The following EPHA6 variants were observed in gnomAD, a reference collection of about 807,000 sequenced individuals.
EPHA6 encodes the protein EPH receptor A6.
In EPHA6, 50 loss-of-function variants were observed where a neutral mutation model predicts 112.0. The observed-to-expected ratio is 0.45, with a 90% CI of 0.36 to 0.56. The LOEUF (loss-of-function observed/expected upper bound fraction) is 0.56, where lower values mean the gene tolerates loss of function less well. Ranked by LOEUF, EPHA6 falls within the 20% of genes least tolerant of loss-of-function variation. The pLI, the probability that EPHA6 is intolerant of heterozygous loss-of-function variation, is 0.00. For synonymous variants in EPHA6, 529 were observed against 490.7 expected (o/e 1.08, Z -1.03); for missense variants, 1,280 against 1,417.4 (o/e 0.90, Z 1.56).
chr3:97,558,009 G>A (rs1479233339), intron 11 of EPHA6, among the ~76,000 whole-genome samples: 3 of 151,842 alleles, frequency 2.0e-5, no homozygotes, highest in African/African-American at 7.3e-5. Context: ...ACTTTTCTTT[G>A]TAGACACAAG....
In EPHA6 at chr3:96,987,327, C is replaced by T. The variant is rs776029999; in HGVS notation, c.451-3C>T. ...ACTTAATTACTTTTTTCCCTTTTTG[C>T]AGTGGGATGCCATCACTGAAATGGA... On this transcript the variant is annotated splice_polypyrimidine_tract_variant and splice_region_variant and intron_variant, in intron 2 of 17. Transcript: ENST00000389672. 5.1e-6 allele frequency: 8 copies of T among 1,568,488 alleles called. No homozygotes were observed. The highest frequency in any genetic ancestry group is 6.9e-6 in the Non-Finnish European group (8 of 1,153,598).
At chr3:96,903,098 G>T (rs1015405423) in intron 2 of EPHA6, among the ~76,000 whole-genome samples, 3 of 152,162 alleles carry the variant, frequency 2.0e-5, no homozygotes, top group African/African-American at 7.2e-5. Context: ...AGTTGAGGGA[G>T]TCTACCTGAT....
chr3:97,550,902 A>AAGAAAGGAAAGAAATG (rs2093020893), intron 11 of EPHA6, among the ~76,000 whole-genome samples: 1 of 152,138 alleles, frequency 6.6e-6, no homozygotes, highest in African/African-American at 2.4e-5. Flanking sequence ...AAAGAGTGAA[A>AAGAAAGGAAAGAAATG]AGAAAGGAAA....
chr3:97,499,145 TC>T (rs2092055842), intron 10 of EPHA6, among the ~76,000 whole-genome samples: 1 of 152,212 alleles, frequency 6.6e-6, no homozygotes, highest in Non-Finnish European at 1.5e-5. Context: ...TTCTCTTTAC[TC>T]CCCATCCAAC....
At chr3:97,481,188 C>G in intron 9 of EPHA6, 1 of 1,043,844 alleles carries the variant, frequency 9.6e-7, no homozygotes, top group Non-Finnish European at 1.5e-6. Flanking sequence ...GAACAATTTC[C>G]TCATGAAGTA....
At chr3:96,969,761 AT>A (rs1263594491) in intron 2 of EPHA6, among the ~76,000 whole-genome samples, 1 of 152,028 alleles carries the variant, frequency 6.6e-6, no homozygotes, top group African/African-American at 2.4e-5. Context: ...TAAATTTTCT[AT>A]TAAAAATCTA....
chr3:96,986,237 C>T (rs1044171003), intron 2 of EPHA6, among the ~76,000 whole-genome samples: 16 of 151,944 alleles, frequency 1.1e-4, no homozygotes, highest in African/African-American at 3.9e-4. Flanking sequence ...TTATTAAATC[C>T]CTTAAAAATG....
intron 11 of EPHA6, among the ~76,000 whole-genome samples, chr3:97,534,731 C>A (rs1238562933): frequency 2.6e-5 from 4 of 151,876 alleles, no homozygotes. Context: ...TTAATTATTT[C>A]TTTCATATTT....
chr3:97,074,680 G>A (rs1225135637), intron 3 of EPHA6, among the ~76,000 whole-genome samples: 1 of 151,700 alleles, frequency 6.6e-6, no homozygotes, highest in Non-Finnish European at 1.5e-5. Flanking sequence ...AAAATTCCAA[G>A]GATATTTTTT....
At chr3:97,611,887 G>A (rs376312232) in intron 13 of EPHA6, among the ~76,000 whole-genome samples, 2 of 151,274 alleles carry the variant, frequency 1.3e-5, no homozygotes, top group African/African-American at 2.4e-5. Flanking sequence ...TATTTTTCTT[G>A]GTTCTGGGCC....
At chr3:97,629,663 A>G (rs1014329977) in intron 13 of EPHA6, among the ~76,000 whole-genome samples, 3 of 151,972 alleles carry the variant, frequency 2.0e-5, no homozygotes, top group Non-Finnish European at 2.9e-5. Context: ...GGTCACTCCT[A>G]TCCCTTTGTT....
At chr3:97,634,155 ATC>A (rs2093926472) in intron 13 of EPHA6, among the ~76,000 whole-genome samples, 1 of 152,078 alleles carries the variant, frequency 6.6e-6, no homozygotes, top group South Asian at 2.1e-4. Flanking sequence ...AGGTTATTAG[ATC>A]TCTTTGTCCT....
chr3:97,724,960 A>AAT (rs1439892747), intron 15 of EPHA6, among the ~76,000 whole-genome samples: 4 of 152,054 alleles, frequency 2.6e-5, no homozygotes, highest in African/African-American at 9.6e-5. Context: ...TTGTTTAATA[A>AAT]ATATATATGC....
At chr3:96,848,285 C>T (rs1227455307) in intron 1 of EPHA6, among the ~76,000 whole-genome samples, 1 of 151,782 alleles carries the variant, frequency 6.6e-6, no homozygotes, top group Non-Finnish European at 1.5e-5. Flanking sequence ...CAGTCCAAGT[C>T]TAAGAAAATG....
chr3:97,582,989 C>G (rs1344216388), intron 11 of EPHA6, among the ~76,000 whole-genome samples: 1 of 150,954 alleles, frequency 6.6e-6, no homozygotes, highest in Non-Finnish European at 1.5e-5. Flanking sequence ...AATGGCCAGT[C>G]TGGTCTATAG....
At chr3:97,218,373 T>C (rs2078093277) in intron 3 of EPHA6, among the ~76,000 whole-genome samples, 1 of 151,940 alleles carries the variant, frequency 6.6e-6, no homozygotes, top group Non-Finnish European at 1.5e-5. Context: ...TTATAAAAAA[T>C]AGAGGTTTAA....
intron 10 of EPHA6, among the ~76,000 whole-genome samples, chr3:97,511,034 TC>T (rs888579040): frequency 3.6e-4 from 54 of 151,968 alleles, no homozygotes; most frequent in African/African-American, 1.3e-3. Context: ...TGGAAGCCCC[TC>T]CCCCCCACCA....
chr3:97,043,825 A>T (rs564223347), intron 3 of EPHA6, among the ~76,000 whole-genome samples: 1 of 152,182 alleles, frequency 6.6e-6, no homozygotes, highest in South Asian at 2.1e-4. Context: ...CAGCACACTG[A>T]GGTCCTAATG....
At chr3:97,085,289 T>C (rs2046858109) in intron 3 of EPHA6, among the ~76,000 whole-genome samples, 1 of 152,172 alleles carries the variant, frequency 6.6e-6, no homozygotes, top group Admixed American at 6.6e-5. Flanking sequence ...GAAATGTGTG[T>C]CCTCTTCTTG....
Sources: allele counts gnomAD v4.1 joint callset (sites outside exome capture counted in the v4.1 genomes callset), GRCh38; gene constraint gnomAD v4.1.1; transcripts MANE v1.5; gene names NCBI Gene and HGNC (gene_info 2026-07-23, HGNC 2026-07-21).